Variants in STIM2 observed in about 807,000 individuals in gnomAD.
STIM2 encodes the protein stromal interaction molecule 2.
Under a neutral mutation model 85.8 loss-of-function variants are expected in STIM2, and 31 were observed. The observed-to-expected ratio is 0.36, with a 90% CI of 0.27 to 0.49. The LOEUF (loss-of-function observed/expected upper bound fraction) is 0.49. Among genes scored for constraint, STIM2 ranks in the 20% least tolerant of loss-of-function variants. The pLI, the probability that STIM2 is intolerant of heterozygous loss-of-function variation, is 0.98. For synonymous variants in STIM2, 356 were observed against 331.1 expected (o/e 1.08, Z -0.82); for missense variants, 841 against 927.6 (o/e 0.91, Z 1.21).
chr4:26,878,456 T>G (rs1170828992), intron 1 of STIM2, among the ~76,000 whole-genome samples: 1 of 152,108 alleles, frequency 6.6e-6, no homozygotes, highest in Non-Finnish European at 1.5e-5. Flanking sequence ...ATAGTAGGCT[T>G]TTACTTCTAT....
At chr4:26,995,586 T>C (rs1248073436) in intron 4 of STIM2, 96 bp downstream of exon 4, 3 of 584,440 alleles carry the variant, frequency 5.1e-6, no homozygotes, top group African/African-American at 1.9e-5. Flanking sequence ...CTTCCGTGGC[T>C]GAGGGCACAA....
intron 1 of STIM2, among the ~76,000 whole-genome samples, chr4:26,880,033 A>T (rs1722945589): frequency 6.6e-6 from 1 of 152,198 alleles, no homozygotes; most frequent in African/African-American, 2.4e-5. Flanking sequence ...AAGTACACAT[A>T]AGATAATTTT....
In STIM2 at chr4:26,974,562, G is replaced by A. The variant is rs143828799; in HGVS notation, c.397+16836G>A. Among the ~76,000 whole-genome samples, 92 of 152,244 alleles carry A rather than the reference G, an allele frequency of 6.0e-4. 1 individual carries two copies. The East Asian group carries it at 0.016, about 27-fold the overall frequency. ...CTTTTCTTTAAGAATGTTGAATATC[G>A]ACCTCCACTCTCTTGTGGCTTGTAG... On this transcript the variant is annotated intron_variant, in intron 3 of 11. Coordinates refer to ENST00000467087, the MANE Select transcript of STIM2 (RefSeq NM_020860.4).
intron 1 of STIM2, among the ~76,000 whole-genome samples, chr4:26,886,186 C>CT (rs1723240852): frequency 6.6e-6 from 1 of 152,024 alleles, no homozygotes; most frequent in African/African-American, 2.4e-5. Flanking sequence ...AGTATATGAA[C>CT]TTTTTCCTTC....
At chr4:26,966,137 T>A (rs1305636575) in intron 3 of STIM2, among the ~76,000 whole-genome samples, 1 of 152,146 alleles carries the variant, frequency 6.6e-6, no homozygotes, top group African/African-American at 2.4e-5. Flanking sequence ...AAAAGAACCT[T>A]CTGCAGAAGG....
At chr4:26,892,849 G>A (rs137884097) in intron 1 of STIM2, among the ~76,000 whole-genome samples, 2 of 152,202 alleles carry the variant, frequency 1.3e-5, no homozygotes, top group Admixed American at 6.5e-5. Flanking sequence ...ATTAACACAC[G>A]TTGAGGAAAA....
intron 2 of STIM2, among the ~76,000 whole-genome samples, chr4:26,934,913 C>CAAAAAAAAAAAA (rs1160656482): frequency 3.5e-5 from 2 of 57,606 alleles, no homozygotes; most frequent in African/African-American, 6.2e-5. Flanking sequence ...AACTCCATCT[C>CAAAAAAAAAAAA]AAAAAAAAAA....
intron 2 of STIM2, among the ~76,000 whole-genome samples, chr4:26,922,559 G>C (rs1350957343): frequency 6.6e-6 from 1 of 152,166 alleles, no homozygotes; most frequent in Non-Finnish European, 1.5e-5. Flanking sequence ...CATAGGGCAA[G>C]GTATGGGGGC....
intron 1 of STIM2, among the ~76,000 whole-genome samples, chr4:26,909,799 A>T (rs1406331072): frequency 6.6e-6 from 1 of 152,212 alleles, no homozygotes; most frequent in East Asian, 1.9e-4. Context: ...CCAAAACAAC[A>T]CAAAATAAAT....
In STIM2 at chr4:27,002,123, G is replaced by T. The variant is rs556618833; in HGVS notation, c.626-94G>T. On this transcript the variant is annotated intron_variant, in intron 5 of 11. Transcript: ENST00000467087. ...ATGGGAAAGAGATCTCCAATTTTTGGTTTTGTTTTAGATACTACTTAAAAA... is the reference window on the plus strand; with the variant it reads ...ATGGGAAAGAGATCTCCAATTTTTGTTTTTGTTTTAGATACTACTTAAAAA... 8 of 1,253,594 alleles carry T rather than the reference G, an allele frequency of 6.4e-6. No individual in the cohort carries two copies. In the South Asian group the frequency reaches 8.5e-5, roughly 13 times the overall value. The allele number at this position is 1,253,594 out of a possible 1,614,324, so 77.7% of individuals were successfully genotyped here. A position where few individuals can be genotyped will look rare whatever the true frequency, so the allele number is the denominator to read the frequency against.
intron 11 of STIM2, 96 bp downstream of exon 11, chr4:27,018,080 T>C: frequency 6.5e-7 from 1 of 1,527,274 alleles, no homozygotes; most frequent in Non-Finnish European, 8.9e-7. Context: ...TTCCATTTTC[T>C]GTTGCTACAT....
At chr4:27,012,323 A>AT (rs1728585564) in intron 10 of STIM2, among the ~76,000 whole-genome samples, 1 of 152,086 alleles carries the variant, frequency 6.6e-6, no homozygotes, top group African/African-American at 2.4e-5. Context: ...GGGTTTAAAA[A>AT]ATTTTTTTTT....
intron 7 of STIM2, among the ~76,000 whole-genome samples, chr4:27,005,503 A>G (rs919001658): frequency 7.9e-5 from 12 of 152,228 alleles, no homozygotes; most frequent in African/African-American, 1.4e-4. Context: ...GTTTTATTCC[A>G]AAGATACAAA....
intron 2 of STIM2, among the ~76,000 whole-genome samples, chr4:26,919,908 T>C (rs1295047170): frequency 6.6e-6 from 1 of 152,196 alleles, no homozygotes. Context: ...CTGACTGTAT[T>C]TTATCTATTG....
intron 4 of STIM2, among the ~76,000 whole-genome samples, chr4:26,996,232 A>C (rs1727955496): frequency 6.6e-6 from 1 of 152,032 alleles, no homozygotes; most frequent in East Asian, 1.9e-4. Context: ...CAAATGATAT[A>C]ATTTAGAAAT....
At chr4:26,951,295 A>G (rs1726042267) in intron 2 of STIM2, among the ~76,000 whole-genome samples, 2 of 152,172 alleles carry the variant, frequency 1.3e-5, no homozygotes, top group South Asian at 4.1e-4. Flanking sequence ...TTCCCCCTGC[A>G]AAGGTTACAC....
At chr4:26,988,296 G>T (rs1233332026) in intron 3 of STIM2, among the ~76,000 whole-genome samples, 15 of 152,158 alleles carry the variant, frequency 9.9e-5, no homozygotes, top group Non-Finnish European at 2.1e-4. Flanking sequence ...TGACCAAGGA[G>T]CACAAAGAAG....
chr4:26,976,970 A>G (rs1314849091), intron 3 of STIM2, among the ~76,000 whole-genome samples: 2 of 152,202 alleles, frequency 1.3e-5, no homozygotes, highest in African/African-American at 4.8e-5. Context: ...CTACATATAC[A>G]CTCACACAAC....
Position 26,860,905 on chromosome 4 carries a change from G to A in STIM2, c.-314G>A. 2.7e-6 allele frequency: 3 copies of A among 1,095,626 alleles called. No homozygotes were observed. Among genetic ancestry groups the A allele is most frequent in the East Asian group, 9.8e-5 (1 of 10,168 alleles). The allele number at this position is 1,095,626 out of a possible 1,614,324, so 67.9% of individuals were successfully genotyped here. ...GTGTCGTGCACCGCCTGAAGACGCC[G>A]TACCTTTCTACCCCCCACCTTTTTT... On this transcript the variant is annotated 5_prime_UTR_variant, in exon 1 of 12. Transcript: ENST00000467087.
Sources: allele counts gnomAD v4.1 joint callset (sites outside exome capture counted in the v4.1 genomes callset), GRCh38; gene constraint gnomAD v4.1.1; transcripts MANE v1.5; gene names NCBI Gene and HGNC (gene_info 2026-07-23, HGNC 2026-07-21).